ORC4: variants seen among roughly 807,000 people sequenced by gnomAD.
ORC4 encodes the protein origin recognition complex, subunit 4 homolog.
In ORC4, 55 loss-of-function variants were observed where a neutral mutation model predicts 63.9. The ratio of observed to expected loss-of-function variants is 0.86; its 90% CI spans 0.69 to 1.08. The LOEUF is 1.08. Among genes scored for constraint, ORC4 ranks in the 50% least tolerant of loss-of-function variants. The probability of loss-of-function intolerance (pLI) is 0.00; values close to 1 mark genes in which losing one functional copy is unlikely to be tolerated. For synonymous variants in ORC4, 150 were observed against 168.5 expected (o/e 0.89, Z 0.85); for missense variants, 511 against 504.4 (o/e 1.01, Z -0.13).
chr2:147,948,472 C>T (rs1688774245), intron 8 of ORC4, among the ~76,000 whole-genome samples: 1 of 151,992 alleles, frequency 6.6e-6, no homozygotes, highest in Non-Finnish European at 1.5e-5. Flanking sequence ...CATTCCAAGA[C>T]CCAACATGAC....
intron 1 of ORC4, among the ~76,000 whole-genome samples, chr2:147,986,362 C>A (rs926966044): frequency 2.6e-5 from 4 of 152,032 alleles, no homozygotes; most frequent in African/African-American, 9.7e-5. Flanking sequence ...TAACTTTAAC[C>A]TCACTCTTAA....
chr2:148,019,368 T>C (rs911613055), intron 1 of ORC4, among the ~76,000 whole-genome samples: 1 of 152,122 alleles, frequency 6.6e-6, no homozygotes, highest in Non-Finnish European at 1.5e-5. Flanking sequence ...GGCGGGAGGA[T>C]CATTTGAGGT....
chr2:147,997,235 A>G (rs1247812421), intron 1 of ORC4, among the ~76,000 whole-genome samples: 4 of 152,158 alleles, frequency 2.6e-5, no homozygotes, highest in Non-Finnish European at 5.9e-5. Context: ...TCTTTTCACT[A>G]AAAGATCAGT....
intron 1 of ORC4, among the ~76,000 whole-genome samples, chr2:147,985,612 T>C (rs968676930): frequency 6.6e-6 from 1 of 152,186 alleles, no homozygotes; most frequent in Non-Finnish European, 1.5e-5. Flanking sequence ...ACCTTAGAAA[T>C]AGAACATAAA....
chr2:148,010,779 A>G (rs1017756234), intron 1 of ORC4, among the ~76,000 whole-genome samples: 1 of 151,918 alleles, frequency 6.6e-6, no homozygotes, highest in African/African-American at 2.4e-5. Context: ...AACTAACATC[A>G]ATCCTACTCA....
intron 4 of ORC4, among the ~76,000 whole-genome samples, chr2:147,966,569 T>C (rs1183872983): frequency 1.3e-5 from 2 of 152,158 alleles, no homozygotes; most frequent in Non-Finnish European, 2.9e-5. Context: ...GGGACTACTA[T>C]GAAGAACTAT....
chr2:147,982,909 A>C (rs1334286003), intron 1 of ORC4, among the ~76,000 whole-genome samples: 1 of 152,204 alleles, frequency 6.6e-6, no homozygotes, highest in Non-Finnish European at 1.5e-5. Context: ...TCCCATTAGA[A>C]AATAGGCAAA....
rs1481707541 is a variant in ORC4 at position 147,972,765 on chromosome 2, C to T, written c.199G>A (p.Gly67Arg). The change falls in exon 4 of 14, where the codon GGA becomes AGA. Residue 67 changes from glycine (G) to arginine (R), a missense_variant. Coordinates refer to ENST00000392857, the MANE Select transcript of ORC4 (RefSeq NM_181741.4). ...ATAGTTTTTCCTGATCCTCGGGGTC[C>T]GATAATAAGGACAGAGTTACTCTCT... ...HGESNSVLIIGPRGSGKTMLI... is the reference protein window; with the variant it reads ...HGESNSVLIIRPRGSGKTMLI... 14 of 1,609,588 alleles carry T rather than the reference C, an allele frequency of 8.7e-6. No homozygotes were observed. The highest frequency in any genetic ancestry group is 1.1e-5 in the South Asian group (1 of 90,488).
chr2:148,017,055 GTAAAAGT>G (rs1558884647), intron 1 of ORC4, among the ~76,000 whole-genome samples: 1 of 152,168 alleles, frequency 6.6e-6, no homozygotes, highest in Non-Finnish European at 1.5e-5. Context: ...GTGTGCTAAA[GTAAAAGT>G]TAAAAGATTC....
intron 1 of ORC4, among the ~76,000 whole-genome samples, chr2:147,978,763 G>A (rs1453989042): frequency 6.6e-6 from 1 of 152,110 alleles, no homozygotes; most frequent in Non-Finnish European, 1.5e-5. Context: ...CAATTACCAT[G>A]ATCAAGTGGG....
chr2:147,972,247 TGTAA>T (rs1157873106), intron 4 of ORC4, among the ~76,000 whole-genome samples: 4 of 151,950 alleles, frequency 2.6e-5, no homozygotes, highest in African/African-American at 9.7e-5. Context: ...TGAAAAACTG[TGTAA>T]GTTAGGGTTA....
intron 2 of ORC4, among the ~76,000 whole-genome samples, chr2:147,974,951 AGG>A: frequency 6.6e-6 from 1 of 152,318 alleles, no homozygotes; most frequent in East Asian, 1.9e-4. Flanking sequence ...GAAGTTAAAT[AGG>A]TATACACATG....
rs190957409 is a variant in ORC4 at position 147,961,268 on chromosome 2, C to G, written c.226-2402G>C. Among the ~76,000 whole-genome samples the G allele has an allele frequency of 2.0e-5, 3 of 151,868 alleles. No individual in the cohort carries two copies. In the East Asian group the frequency reaches 5.8e-4, roughly 30 times the overall value. The stretch of plus-strand genomic sequence containing the variant: ...AAACCTGGTAAACATGGTGAAACCC[C>G]ATCTCTACTAAACATAAAAAACTTA... On this transcript the variant is annotated intron_variant, in intron 4 of 13. Transcript: ENST00000392857.
chr2:147,975,750 C>G (rs546043414), intron 2 of ORC4, 152 bp downstream of exon 2: 1 of 603,174 alleles, frequency 1.7e-6, no homozygotes, highest in Non-Finnish European at 3.0e-6. Context: ...GTGCTGGCAT[C>G]TCGTTAAGGT....
Position 147,987,825 on chromosome 2 carries a change from G to A in ORC4, c.-17-11850C>T, listed in dbSNP as rs955718692. Among the ~76,000 whole-genome samples the A allele has an allele frequency of 5.3e-5, 8 of 152,062 alleles. No individual in the cohort carries two copies. In the South Asian group the frequency reaches 6.2e-4, roughly 12 times the overall value. The stretch of plus-strand genomic sequence containing the variant: ...TCCCAGCACTTTGGGAGGCCGAGGC[G>A]GGCAGATCATGAGGTGAGGAGATCG... On this transcript the variant is annotated intron_variant, in intron 1 of 13. Coordinates refer to ENST00000392857, the MANE Select transcript of ORC4 (RefSeq NM_181741.4).
At chr2:147,944,428 C>T (rs1688543443) in intron 9 of ORC4, among the ~76,000 whole-genome samples, 1 of 151,904 alleles carries the variant, frequency 6.6e-6, no homozygotes, top group Admixed American at 6.6e-5. Context: ...AAGTGAGGTT[C>T]AACAATATAA....
chr2:147,987,287 C>T (rs1053923300), intron 1 of ORC4, among the ~76,000 whole-genome samples: 3 of 149,346 alleles, frequency 2.0e-5, no homozygotes, highest in African/African-American at 7.4e-5. Context: ...CACACACATA[C>T]TTTTTCAACC....
chr2:148,006,181 C>T (rs1363368959), intron 1 of ORC4, among the ~76,000 whole-genome samples: 1 of 152,092 alleles, frequency 6.6e-6, no homozygotes, highest in African/African-American at 2.4e-5. Flanking sequence ...GGAGAGAGAG[C>T]GAAAGTAAGT....
intron 1 of ORC4, among the ~76,000 whole-genome samples, chr2:147,981,576 C>T (rs2105370804): frequency 6.6e-6 from 1 of 152,182 alleles, no homozygotes; most frequent in East Asian, 1.9e-4. Context: ...AATTTTCTTA[C>T]TACAAAAAAA....
Sources: allele counts gnomAD v4.1 joint callset (sites outside exome capture counted in the v4.1 genomes callset), GRCh38; gene constraint gnomAD v4.1.1; transcripts MANE v1.5; gene names NCBI Gene and HGNC (gene_info 2026-07-23, HGNC 2026-07-21).